IL7: variants seen among roughly 807,000 people sequenced by gnomAD.
IL7 encodes interleukin 7.
Under a neutral mutation model 21.6 loss-of-function variants are expected in IL7, and 3 were observed. That is an observed-to-expected ratio of 0.14 (90% CI 0.06 to 0.36). The LOEUF (loss-of-function observed/expected upper bound fraction) is 0.36. IL7 is among the 10% of genes least tolerant of loss of function. IL7 has a pLI of 1.00. For missense variants in IL7, 175 were observed against 200.2 expected (o/e 0.87, Z 0.76); for synonymous variants, 62 against 68.1 (o/e 0.91, Z 0.44).
intron 4 of IL7, among the ~76,000 whole-genome samples, chr8:78,680,846 A>T (rs1809753700): frequency 6.6e-6 from 1 of 152,128 alleles, no homozygotes; most frequent in Admixed American, 6.6e-5. Context: ...ATCAGATAGT[A>T]TCTTTATCTC....
At chr8:78,762,023 C>T in intron 2 of IL7, 1 of 1,601,318 alleles carries the variant, frequency 6.2e-7, no homozygotes. Flanking sequence ...CTGAGCATTG[C>T]TATTGTTGGT....
intron 3 of IL7, among the ~76,000 whole-genome samples, chr8:78,695,861 G>C (rs535364460): frequency 1.3e-5 from 2 of 152,032 alleles, no homozygotes; most frequent in East Asian, 1.9e-4. Context: ...TTGTGTGACC[G>C]TTTATCAAGA....
intron 2 of IL7, chr8:78,760,524 G>T: frequency 2.6e-6 from 4 of 1,537,978 alleles, no homozygotes; most frequent in Non-Finnish European, 3.5e-6. Context: ...AGCGTGTCAG[G>T]ATTGGGTAAG....
At chr8:78,793,357 A>C (rs899524641) in intron 2 of IL7, among the ~76,000 whole-genome samples, 2 of 152,108 alleles carry the variant, frequency 1.3e-5, no homozygotes, top group Non-Finnish European at 2.9e-5. Flanking sequence ...TACCTCAGAG[A>C]TACTGTGGGT....
chr8:78,782,279 A>G (rs1813359841), intron 2 of IL7, among the ~76,000 whole-genome samples: 1 of 152,158 alleles, frequency 6.6e-6, no homozygotes, highest in Admixed American at 6.5e-5. Context: ...CGATCATTTC[A>G]AGAAGAGGTA....
At chr8:78,715,352 A>C, downstream of IL7, 1 of 1,571,936 alleles carries the variant, frequency 6.4e-7, no homozygotes, top group Non-Finnish European at 8.6e-7. Context: ...TGCTCTCCCA[A>C]TAACTAAAAT....
chr8:78,750,629 C>G (rs866195927), intron 2 of IL7, among the ~76,000 whole-genome samples: 2 of 152,292 alleles, frequency 1.3e-5, no homozygotes, highest in Middle Eastern at 6.8e-3. Flanking sequence ...CGAGACCATC[C>G]TGGCTAACAC....
intron 2 of IL7, chr8:78,762,446 C>G (rs1812600679): frequency 1.3e-6 from 2 of 1,573,938 alleles, no homozygotes; most frequent in Non-Finnish European, 1.7e-6. Flanking sequence ...GCCCGCCCGC[C>G]GGCCGGTCCA....
intron 2 of IL7, among the ~76,000 whole-genome samples, chr8:78,754,052 A>G (rs917555123): frequency 5.9e-5 from 9 of 152,216 alleles, no homozygotes; most frequent in African/African-American, 1.9e-4. Context: ...GGCCAGGGCA[A>G]TCAGGCAAGA....
In IL7 at chr8:78,773,783, T is replaced by A. The variant is rs568997103; in HGVS notation, c.147+24289A>T. On this transcript the variant is annotated intron_variant, in intron 2 of 5. Transcript: ENST00000263851. ...CATAATGTATTTCTGACTGAGATGC[T>A]TATCCACTTTGACTGGAGAAGCCAA... Among the ~76,000 whole-genome samples the A allele has an allele frequency of 1.5e-4, 23 of 152,230 alleles. No individual in the cohort carries two copies. The South Asian group carries it at 4.4e-3, about 29-fold the overall frequency.
At chr8:78,700,376 G>A (rs903082419) in intron 3 of IL7, among the ~76,000 whole-genome samples, 1 of 151,548 alleles carries the variant, frequency 6.6e-6, no homozygotes, top group Admixed American at 6.6e-5. Context: ...TTGTAAGTTT[G>A]TTTGTTAAAT....
At chr8:78,697,944 C>G (rs1376733802) in intron 3 of IL7, among the ~76,000 whole-genome samples, 1 of 152,108 alleles carries the variant, frequency 6.6e-6, no homozygotes, top group Non-Finnish European at 1.5e-5. Flanking sequence ...TCCTAAAGTG[C>G]TGAGATTACT....
At chr8:78,804,797 A>G (rs1814251350) in intron 1 of IL7, 116 bp downstream of exon 1, 3 of 1,213,564 alleles carry the variant, frequency 2.5e-6, no homozygotes, top group Non-Finnish European at 3.6e-6. Context: ...CGCAGGTCCA[A>G]AGTGCAAGGC....
chr8:78,683,325 C>G (rs1377414401), intron 4 of IL7, among the ~76,000 whole-genome samples: 1 of 152,254 alleles, frequency 6.6e-6, no homozygotes, highest in Non-Finnish European at 1.5e-5. Flanking sequence ...AAACTTCTTC[C>G]TGGACATCCA....
chr8:78,804,963 G>C lies in IL7; in HGVS notation c.-41C>G, dbSNP rs1814270922. On this transcript the variant is annotated 5_prime_UTR_variant, in exon 1 of 6. Transcript: ENST00000263851. ...GGCGTAGTCATGATGACCGCAACTG[G>C]AGCAGGAGCAAGCTCTCACCGCCCA... 1 of 1,605,510 alleles carries C rather than the reference G, an allele frequency of 6.2e-7. No individual in the cohort carries two copies. Among genetic ancestry groups the C allele is most frequent in the Admixed American group, 1.7e-5 (1 of 59,396 alleles).
At chr8:78,790,500 T>C (rs922885312) in intron 2 of IL7, among the ~76,000 whole-genome samples, 2 of 152,132 alleles carry the variant, frequency 1.3e-5, no homozygotes, top group Admixed American at 6.5e-5. Flanking sequence ...AATCCATAAA[T>C]TATTAATTAA....
At chr8:78,740,699 G>T (rs1284487216) in intron 2 of IL7, among the ~76,000 whole-genome samples, 6 of 152,168 alleles carry the variant, frequency 3.9e-5, no homozygotes, top group African/African-American at 1.4e-4. Context: ...AAAACCATCT[G>T]CATTAGTACT....
intron 3 of IL7, among the ~76,000 whole-genome samples, chr8:78,697,896 T>C (rs1279009441): frequency 6.6e-6 from 1 of 152,066 alleles, no homozygotes; most frequent in African/African-American, 2.4e-5. Context: ...GCCAGGATAA[T>C]CTCTATCTCC....
chr8:78,675,056 G>A (rs1809536696), downstream of IL7, among the ~76,000 whole-genome samples: 1 of 151,430 alleles, frequency 6.6e-6, no homozygotes, highest in South Asian at 2.1e-4. Flanking sequence ...AAAGAATGCA[G>A]TTTCTTTTTT....
Sources: allele counts gnomAD v4.1 joint callset (sites outside exome capture counted in the v4.1 genomes callset), GRCh38; gene constraint gnomAD v4.1.1; transcripts MANE v1.5; gene names NCBI Gene and HGNC (gene_info 2026-07-23, HGNC 2026-07-21).